The following TFDP2 variants were observed in gnomAD, a reference collection of about 807,000 sequenced individuals.
TFDP2 encodes transcription factor Dp-2.
A neutral mutation model predicts 59.3 loss-of-function variants in TFDP2; 17 were observed. That is an observed-to-expected ratio of 0.29 (90% CI 0.20 to 0.43). The LOEUF (loss-of-function observed/expected upper bound fraction) is 0.43. TFDP2 is among the 20% of genes least tolerant of loss of function. The pLI is 1.00. For synonymous variants in TFDP2, 180 were observed against 194.7 expected (o/e 0.92, Z 0.63); for missense variants, 391 against 528.8 (o/e 0.74, Z 2.56).
chr3:142,020,984 C>CAAA (rs11328099), intron 3 of TFDP2, among the ~76,000 whole-genome samples: 1 of 147,334 alleles, frequency 6.8e-6, no homozygotes, highest in Non-Finnish European at 1.5e-5. Context: ...CACCCTGTCT[C>CAAA]AAAAAAAAAA....
At chr3:142,033,557 A>G (rs1277772728) in intron 3 of TFDP2, among the ~76,000 whole-genome samples, 3 of 152,186 alleles carry the variant, frequency 2.0e-5, no homozygotes, top group Admixed American at 6.5e-5. Context: ...CTACGTGGCG[A>G]GGGATCTATA....
intron 3 of TFDP2, among the ~76,000 whole-genome samples, chr3:142,021,074 T>C (rs913144252): frequency 3.3e-5 from 5 of 152,212 alleles, no homozygotes; most frequent in Non-Finnish European, 7.3e-5. Context: ...TTTATTTTGA[T>C]GCATTTGTAC....
At position 141,950,944 on chromosome 3, in the gene TFDP2, T is replaced by C. The variant is rs1450044913; in HGVS notation, c.*1569A>G. ...GGAGCTTCAGCTAAAGTTGAATGTT[T>C]TTCTTTCTCAGTTTTTATGGCCTTA... On this transcript the variant is annotated 3_prime_UTR_variant, in exon 13 of 13. Coordinates refer to ENST00000489671, the MANE Select transcript of TFDP2 (RefSeq NM_001178139.2). The C allele has an allele frequency of 1.3e-5, 2 of 152,210 alleles. No homozygotes were observed. Among genetic ancestry groups the C allele is most frequent in the African/African-American group, 4.8e-5 (2 of 41,442 alleles). The allele number at this position is 152,210 out of a possible 1,614,324, so 9.4% of individuals were successfully genotyped here. A position where few individuals can be genotyped will look rare whatever the true frequency, so the allele number is the denominator to read the frequency against.
chr3:142,001,103 G>A (rs1943722239), intron 4 of TFDP2, among the ~76,000 whole-genome samples: 1 of 152,198 alleles, frequency 6.6e-6, no homozygotes, highest in South Asian at 2.1e-4. Context: ...CCTGGTGAGG[G>A]TTCCCAATGG....
intron 11 of TFDP2, among the ~76,000 whole-genome samples, chr3:141,955,128 C>CT (rs1936436278): frequency 1.3e-5 from 2 of 152,138 alleles, no homozygotes; most frequent in African/African-American, 4.8e-5. Context: ...CAGAACACAG[C>CT]TATTTACTTG....
intron 3 of TFDP2, among the ~76,000 whole-genome samples, chr3:142,089,835 ATACT>A (rs1274933875): frequency 7.2e-5 from 11 of 152,248 alleles, no homozygotes; most frequent in African/African-American, 2.2e-4. Context: ...GACAACTATA[ATACT>A]TACCAGTTTT....
chr3:141,968,913 G>T (rs1406591188), intron 9 of TFDP2, among the ~76,000 whole-genome samples: 12 of 74,320 alleles, frequency 1.6e-4, no homozygotes, highest in African/African-American at 3.1e-4. Context: ...CATATATATA[G>T]ATATATATAA....
chr3:141,976,262 GA>G (rs979873879), intron 7 of TFDP2, among the ~76,000 whole-genome samples: 28 of 151,992 alleles, frequency 1.8e-4, no homozygotes, highest in Admixed American at 3.9e-4. Flanking sequence ...ATGGAAGACA[GA>G]AAAAAACATA....
intron 7 of TFDP2, 111 bp from the exon 8 acceptor site, chr3:141,974,302 T>G: frequency 1.0e-6 from 1 of 954,126 alleles, no homozygotes. Flanking sequence ...AAGGATTCTA[T>G]TTTTTTATTT....
At chr3:142,125,672 T>G (rs73236013) in intron 1 of TFDP2, among the ~76,000 whole-genome samples, 1 of 152,174 alleles carries the variant, frequency 6.6e-6, no homozygotes, top group Non-Finnish European at 1.5e-5. Context: ...CAGTATAAAC[T>G]GTTCTGTGAA....
At chr3:142,049,020 G>T (rs1947481579) in intron 3 of TFDP2, among the ~76,000 whole-genome samples, 1 of 152,150 alleles carries the variant, frequency 6.6e-6, no homozygotes, top group East Asian at 1.9e-4. Context: ...GCTTCTTGTA[G>T]TTCCTGGCAT....
At chr3:142,122,124 AT>A (rs2062070142) in intron 1 of TFDP2, among the ~76,000 whole-genome samples, 1 of 152,210 alleles carries the variant, frequency 6.6e-6, no homozygotes, top group Non-Finnish European at 1.5e-5. Context: ...TTTAAATGAA[AT>A]AAATAAAAGG....
intron 3 of TFDP2, among the ~76,000 whole-genome samples, chr3:142,013,029 T>C (rs2108307223): frequency 6.6e-6 from 1 of 151,934 alleles, no homozygotes; most frequent in East Asian, 1.9e-4. Context: ...CCCAGCTACT[T>C]AGGAGGCTGA....
At chr3:142,007,940 G>A (rs1379124546) in intron 3 of TFDP2, among the ~76,000 whole-genome samples, 1 of 152,142 alleles carries the variant, frequency 6.6e-6, no homozygotes, top group African/African-American at 2.4e-5. Context: ...CTCCTGCTGT[G>A]TGGCCCAGCT....
intron 10 of TFDP2, among the ~76,000 whole-genome samples, 185 bp downstream of exon 10, chr3:141,963,627 G>T (rs1251425631): frequency 1.3e-5 from 2 of 152,152 alleles, no homozygotes; most frequent in Non-Finnish European, 2.9e-5. Context: ...GGACCACAGA[G>T]GGTGAGGGTT....
At chr3:142,141,244 G>A (rs1463131936) in intron 1 of TFDP2, among the ~76,000 whole-genome samples, 1 of 152,228 alleles carries the variant, frequency 6.6e-6, no homozygotes, top group Non-Finnish European at 1.5e-5. Context: ...ATTTGGACGA[G>A]AGCGTCCCAT....
chr3:142,097,376 T>A (rs111305860), intron 2 of TFDP2, among the ~76,000 whole-genome samples: 5 of 152,218 alleles, frequency 3.3e-5, no homozygotes, highest in South Asian at 4.1e-4. Context: ...TGGTGTAATA[T>A]CCATACAATA....
In TFDP2 at chr3:141,949,523, C is replaced by T. The variant is rs528131739; in HGVS notation, c.*2990G>A. 76 of 152,516 alleles carry T rather than the reference C, an allele frequency of 5.0e-4. No homozygotes were observed. Among genetic ancestry groups the T allele is most frequent in the Middle Eastern group, 3.4e-3 (1 of 296 alleles). 9.4% of individuals were successfully genotyped at this position (152,516 alleles called of 1,614,324 possible). The stretch of plus-strand genomic sequence containing the variant: ...AAGGCAGCCTAGTAGGCACCTGGGG[C>T]CCGTAAGCGCTGCTGTGTGCCTAGG... On this transcript the variant is annotated 3_prime_UTR_variant, in exon 13 of 13. Coordinates refer to ENST00000489671, the MANE Select transcript of TFDP2 (RefSeq NM_001178139.2).
chr3:142,112,049 G>C (rs1210459731), intron 1 of TFDP2, among the ~76,000 whole-genome samples: 4 of 151,394 alleles, frequency 2.6e-5, no homozygotes, highest in African/African-American at 4.9e-5. Context: ...CTGGGCGACA[G>C]AGCAAGACTC....
Sources: allele counts gnomAD v4.1 joint callset (sites outside exome capture counted in the v4.1 genomes callset), GRCh38; gene constraint gnomAD v4.1.1; transcripts MANE v1.5; gene names NCBI Gene and HGNC (gene_info 2026-07-23, HGNC 2026-07-21).